RSF1: variants seen among roughly 807,000 people sequenced by gnomAD.
RSF1 encodes the protein remodeling and spacing factor 1, also known as HBV pX-associated protein 8.
RSF1 carries 13 observed loss-of-function variants against 145.2 expected under a neutral mutation model. The ratio of observed to expected loss-of-function variants is 0.09; its 90% CI spans 0.06 to 0.14. RSF1 has a LOEUF of 0.14. RSF1 is among the 10% of genes least tolerant of loss of function. The pLI is 1.00. For missense variants in RSF1, 1,517 were observed against 1,718.2 expected (o/e 0.88, Z 2.07); for synonymous variants, 577 against 592.6 (o/e 0.97, Z 0.38).
At chr11:77,847,604 A>G in the RSF1 span, among the ~76,000 whole-genome samples, 287 of 152,354 alleles carry the variant, frequency 1.9e-3, 3 homozygotes, top group East Asian at 0.034. Flanking sequence ...AGAAGCCTTA[A>G]ATCATGTAGC....
chr11:77,810,706 G>A (rs1203918859), intron 1 of RSF1, among the ~76,000 whole-genome samples: 3 of 152,106 alleles, frequency 2.0e-5, no homozygotes, highest in South Asian at 2.1e-4. Context: ...GATTACAGGT[G>A]TATCCCACCA....
intron 3 of RSF1, 125 bp downstream of exon 3, chr11:77,746,911 T>C (rs1948008067): frequency 1.8e-6 from 1 of 547,310 alleles, no homozygotes. Flanking sequence ...CACTAAAAAA[T>C]AGACTCCATT....
Position 77,783,710 on chromosome 11 carries a change from T to C in RSF1, c.188-19021A>G, listed in dbSNP as rs1208131490. ...TTAAAAAATTAGCCAGGCATAATGG[T>C]GTGCGTCAGGAGTCCCAGCTACTCA... On this transcript the variant is annotated intron_variant, in intron 1 of 15. Transcript: ENST00000308488. 3.3e-5 allele frequency among the ~76,000 whole-genome samples: 5 copies of C among 151,806 alleles called. No homozygotes were observed. The East Asian group carries it at 7.7e-4, about 23-fold the overall frequency.
Position 77,747,054 on chromosome 11 carries a change from G to A in RSF1, c.354C>T (p.Cys118=). ...KKGYLEMSVE[C]KLALLKYLCE... ...TTATTACCTTTAAGAGTGCTAGTTT[G>A]CATTCAACACTCATTTCAAGATAGC... Residue 118 remains cysteine (C), a synonymous_variant, in exon 3 of 16, where the codon TGC becomes TGT. Transcript: ENST00000308488. 3 of 1,600,470 alleles carry A rather than the reference G, an allele frequency of 1.9e-6. No individual in the cohort carries two copies. The highest frequency in any genetic ancestry group is 2.6e-6 in the Non-Finnish European group (3 of 1,167,948).
intron 1 of RSF1, among the ~76,000 whole-genome samples, chr11:77,803,476 C>T (rs566890268): frequency 7.3e-5 from 11 of 149,836 alleles, no homozygotes; most frequent in African/African-American, 2.0e-4. Flanking sequence ...AAACAAATAC[C>T]CTAATAAAAA....
chr11:77,737,621 G>GTGTGTGTGTGTGTGTGTGTGT lies in RSF1; in HGVS notation c.578+3109_578+3110insACACACACACACACACACACA, dbSNP rs1554991241. Among the ~76,000 whole-genome samples, 97 of 93,542 alleles carry GTGTGTGTGTGTGTGTGTGTGT rather than the reference G, an allele frequency of 1.0e-3. 1 individual carries two copies. Among genetic ancestry groups the GTGTGTGTGTGTGTGTGTGTGT allele is most frequent in the East Asian group, 2.3e-3 (8 of 3,554 alleles). 61.4% of individuals were successfully genotyped at this position (93,542 alleles called of 152,430 possible). A position where few individuals can be genotyped will look rare whatever the true frequency, so the allele number is the denominator to read the frequency against. On this transcript the variant is annotated intron_variant, in intron 4 of 15. Coordinates refer to ENST00000308488, the MANE Select transcript of RSF1 (RefSeq NM_016578.4). Reference sequence around the variant, plus strand: ...GAAAGAAGTTTTATGTGTTTTGGGGGGTGTGTGTGTGTGTGTGTGTGTGTG... The same window carrying GTGTGTGTGTGTGTGTGTGTGT: ...GAAAGAAGTTTTATGTGTTTTGGGGGTGTGTGTGTGTGTGTGTGTGTGTGTGTGTGTGTGTGTGTGTGTGTG...
intron 5 of RSF1, among the ~76,000 whole-genome samples, chr11:77,719,511 TAC>T (rs1256224856): frequency 1.3e-5 from 2 of 152,214 alleles, no homozygotes; most frequent in Non-Finnish European, 2.9e-5. Context: ...ATTACTCAGC[TAC>T]AGAGTATTTT....
At chr11:77,755,455 G>A (rs1464339265) in intron 2 of RSF1, among the ~76,000 whole-genome samples, 1 of 152,096 alleles carries the variant, frequency 6.6e-6, no homozygotes, top group Non-Finnish European at 1.5e-5. Context: ...GTTAATGAGA[G>A]ATTTGTTTGT....
At chr11:77,854,214 G>A in the RSF1 span, among the ~76,000 whole-genome samples, 1 of 151,882 alleles carries the variant, frequency 6.6e-6, no homozygotes, top group Non-Finnish European at 1.5e-5. Context: ...GGATTGGCTC[G>A]ATCTCCTGAC....
intron 5 of RSF1, among the ~76,000 whole-genome samples, chr11:77,711,531 T>C (rs1960684792): frequency 1.3e-5 from 2 of 151,926 alleles, no homozygotes; most frequent in African/African-American, 4.8e-5. Context: ...TAGCCGGGCG[T>C]GGTTGCAGGT....
intron 1 of RSF1, among the ~76,000 whole-genome samples, chr11:77,805,099 A>G (rs1176949341): frequency 1.3e-5 from 2 of 152,210 alleles, no homozygotes; most frequent in Non-Finnish European, 2.9e-5. Context: ...AGGATGTCCA[A>G]TAAGTATCAA....
chr11:77,683,958 G>T, intron 10 of RSF1, 139 bp from the exon 11 acceptor site: 1 of 590,238 alleles, frequency 1.7e-6, no homozygotes, highest in Non-Finnish European at 3.0e-6. Flanking sequence ...CTCCAAAAGT[G>T]AATAAACATG....
chr11:77,697,548 T>C (rs902707433), intron 7 of RSF1, among the ~76,000 whole-genome samples: 3 of 141,476 alleles, frequency 2.1e-5, no homozygotes, highest in African/African-American at 7.8e-5. Context: ...ATATATTATA[T>C]ATATAATAGA....
chr11:77,757,844 G>C (rs1948131254), intron 2 of RSF1, among the ~76,000 whole-genome samples: 1 of 152,190 alleles, frequency 6.6e-6, no homozygotes, highest in African/African-American at 2.4e-5. Flanking sequence ...TTCAAGAGAA[G>C]TCAGATTCAG....
In RSF1 at chr11:77,734,613, G is replaced by A; in HGVS notation, c.578+6118C>T. The A allele has an allele frequency of 2.6e-6, 4 of 1,522,732 alleles. No individual in the cohort carries two copies. The South Asian group carries it at 4.5e-5, about 17-fold the overall frequency. The allele number at this position is 1,522,732 out of a possible 1,614,324, so 94.3% of individuals were successfully genotyped here. A position where few individuals can be genotyped will look rare whatever the true frequency, so the allele number is the denominator to read the frequency against. Reference sequence around the variant, plus strand: ...TGATGGCTTTCACCTGCTCATTCAGGTAATGTGTCTCAATGAAGTCACACA... The same window carrying A: ...TGATGGCTTTCACCTGCTCATTCAGATAATGTGTCTCAATGAAGTCACACA... On this transcript the variant is annotated intron_variant, in intron 4 of 15. Coordinates refer to ENST00000308488, the MANE Select transcript of RSF1 (RefSeq NM_016578.4).
the RSF1 span, among the ~76,000 whole-genome samples, chr11:77,840,652 T>C: frequency 6.6e-6 from 1 of 152,176 alleles, no homozygotes; most frequent in Non-Finnish European, 1.5e-5. Context: ...CAAGTGAAAT[T>C]CCCACCTTGG....
At chr11:77,805,702 T>C (rs1328814360) in intron 1 of RSF1, among the ~76,000 whole-genome samples, 1 of 152,240 alleles carries the variant, frequency 6.6e-6, no homozygotes, top group East Asian at 1.9e-4. Context: ...AAATATGATA[T>C]ATTGCTATAA....
In RSF1 at chr11:77,758,847, T is replaced by C. The variant is rs1948141881; in HGVS notation, c.279+5751A>G. 3.4e-5 allele frequency among the ~76,000 whole-genome samples: 5 copies of C among 148,756 alleles called. No homozygotes were observed. The Admixed American group carries it at 3.5e-4, about 10-fold the overall frequency. On this transcript the variant is annotated intron_variant, in intron 2 of 15. Coordinates refer to ENST00000308488, the MANE Select transcript of RSF1 (RefSeq NM_016578.4). ...AAATATTAAATGCTTATCAGTTATA[T>C]GATTTGCAATACGTGCAATTTGCAA...
intron 12 of RSF1, among the ~76,000 whole-genome samples, chr11:77,677,271 AGT>A (rs1221495011): frequency 6.6e-6 from 1 of 152,206 alleles, no homozygotes; most frequent in Admixed American, 6.5e-5. Context: ...ACCCTCTTAA[AGT>A]GTACAATTCA....
Sources: allele counts gnomAD v4.1 joint callset (sites outside exome capture counted in the v4.1 genomes callset), GRCh38; gene constraint gnomAD v4.1.1; transcripts MANE v1.5; gene names NCBI Gene and HGNC (gene_info 2026-07-23, HGNC 2026-07-21).